PUM1: variants seen among roughly 807,000 people sequenced by gnomAD.
The protein encoded by PUM1 is pumilio homolog 1.
Under a neutral mutation model 131.8 loss-of-function variants are expected in PUM1, and 13 were observed. The ratio of observed to expected loss-of-function variants is 0.10; its 90% CI spans 0.06 to 0.16. The LOEUF is 0.16. Ranked by LOEUF, PUM1 falls within the 10% of genes least tolerant of loss-of-function variation. The probability of loss-of-function intolerance (pLI) is 1.00; values close to 1 mark genes in which losing one functional copy is unlikely to be tolerated. For synonymous variants in PUM1, 509 were observed against 556.5 expected, an observed-to-expected ratio of 0.91 and a Z score of 1.20; for missense variants, 961 against 1,512.4, an observed-to-expected ratio of 0.64 and a Z score of 6.05.
In PUM1 at chr1:30,945,471, G is replaced by A. The variant is rs773184181; in HGVS notation, c.2869C>T (p.Arg957Trp). Residue 957 changes from arginine (R) to tryptophan (W), a missense_variant, in exon 18 of 22, where the codon CGG becomes TGG. Arg to Trp is a moderately radical substitution (Grantham distance 101). This residue lies in a region of PUM1 where 178 missense variants were observed against 327.5 expected (regional missense o/e 0.54). Transcript: ENST00000426105. ...SDQQVINEMV[R>W]ELDGHVLKCV... ...TTCAAGACATGGCCATCTAGTTCCC[G>A]AACCATCTCATTCTAATGGAGACAA... is the stretch of plus-strand genomic sequence containing the variant. 1.9e-6 allele frequency: 3 copies of A among 1,614,006 alleles called. No individual in the cohort carries two copies. The highest frequency in any genetic ancestry group is 2.5e-6 in the Non-Finnish European group (3 of 1,180,008).
At chr1:30,956,413 A>C (rs6657262) in intron 14 of PUM1, among the ~76,000 whole-genome samples, 43,233 of 151,886 alleles carry the variant, frequency 0.28, 6,631 homozygotes, top group Non-Finnish European at 0.34. Flanking sequence ...ACAGGTGTGC[A>C]CCACCACGCC....
rs551715498 is a variant in PUM1, at chr1:30,961,264, C to T, written c.2323+3410G>A. On this transcript the variant is annotated intron_variant, in intron 14 of 21. Coordinates refer to ENST00000426105, the MANE Select transcript of PUM1 (RefSeq NM_001020658.2). ...GTAGCTCACATCTGTAATCCTAGTG[C>T]TTTGAGAGGCCAAGGCAAGAGGATC... is the stretch of plus-strand genomic sequence containing the variant. 5.6e-4 allele frequency among the ~76,000 whole-genome samples: 85 copies of T among 150,450 alleles called. 1 individual carries two copies. Among genetic ancestry groups the T allele is most frequent in the African/African-American group, 2.0e-3 (82 of 40,932 alleles).
At position 30,942,028 on chromosome 1, in the gene PUM1, C is replaced by A. The variant is rs774301910; in HGVS notation, c.3090G>T (p.Glu1030Asp). 2 of 1,590,836 alleles carry A rather than the reference C, an allele frequency of 1.3e-6. No homozygotes were observed. Among genetic ancestry groups the A allele is most frequent in the Non-Finnish European group, 1.7e-6 (2 of 1,165,716 alleles). Residue 1030 changes from glutamate to aspartate, a missense_variant, in exon 19 of 22, where the codon GAG (glutamate) becomes GAT (aspartate). Glu to Asp is a conservative substitution (Grantham distance 45, BLOSUM62 2). Coordinates refer to ENST00000426105, the MANE Select transcript of PUM1 (RefSeq NM_001020658.2). ...LPDQTLPILE[E>D]LHQHTEQLVQ... is the part of the protein sequence containing the mutation. ...CAAGCTGCTCTGTGTGCTGGTGAAG[C>A]TCCTCTAAAATAGGGAGTGTCTGGT...
rs977778279 is a variant in PUM1 at position 30,979,954 on chromosome 1, T to A, written c.1354+108A>T. ...AGGTAGATGGCATTGAAAATCTGGATAATCTCCACTGGAGACATGGATTTG... is the reference window on the plus strand; with the variant it reads ...AGGTAGATGGCATTGAAAATCTGGAAAATCTCCACTGGAGACATGGATTTG... On this transcript the variant is annotated intron_variant, in intron 9 of 21. Coordinates refer to ENST00000426105, the MANE Select transcript of PUM1 (RefSeq NM_001020658.2). 3 of 732,080 alleles carry A rather than the reference T, an allele frequency of 4.1e-6. No individual in the cohort carries two copies. The African/African-American group carries it at 5.4e-5, about 13-fold the overall frequency. The allele number at this position is 732,080 out of a possible 1,614,324, so 45.3% of individuals were successfully genotyped here.
chr1:31,008,788 A>C (rs1317295923), intron 3 of PUM1, among the ~76,000 whole-genome samples: 1 of 152,178 alleles, frequency 6.6e-6, no homozygotes, highest in Non-Finnish European at 1.5e-5. Flanking sequence ...CAGGTCACAG[A>C]GGGGATACTG....
chr1:30,941,243 A>C lies in PUM1; in HGVS notation c.3150T>G (p.His1050Gln), dbSNP rs767562793. 6.2e-7 allele frequency: 1 copy of C among 1,611,998 alleles called. No individual in the cohort carries two copies. Among genetic ancestry groups the C allele is most frequent in the Admixed American group, 1.7e-5 (1 of 59,918 alleles). The change falls in exon 20 of 22, where the codon CAT (histidine) becomes CAG (glutamine). Residue 1050 changes from histidine (H) to glutamine (Q), a missense_variant. Transcript: ENST00000426105. Reference sequence around the variant, plus strand: ...CCTCAGGACGACCGTGCTCCAGTACATGTTGGATTACATAATTTCCATATT... The same window carrying C: ...CCTCAGGACGACCGTGCTCCAGTACCTGTTGGATTACATAATTTCCATATT... ...QDQYGNYVIQ[H>Q]VLEHGRPEDK...
At chr1:31,065,486 C>T (rs1210023154) in intron 1 of PUM1, 130 bp downstream of exon 1, 1 of 1,137,196 alleles carries the variant, frequency 8.8e-7, no homozygotes, top group Non-Finnish European at 1.2e-6. Flanking sequence ...GAAGCCTCAG[C>T]CAGGGCCCCG....
At chr1:30,941,780 T>C in intron 19 of PUM1, 1 of 448,278 alleles carries the variant, frequency 2.2e-6, no homozygotes, top group Admixed American at 2.7e-5. Context: ...GACAGAGTTC[T>C]GGAAGTCAGA....
At chr1:30,991,332 T>C (rs1641782572) in intron 7 of PUM1, among the ~76,000 whole-genome samples, 1 of 152,200 alleles carries the variant, frequency 6.6e-6, no homozygotes, top group Admixed American at 6.5e-5. Flanking sequence ...TATATGAATA[T>C]GCACATTCAC....
intron 13 of PUM1, 38 bp from the exon 14 acceptor site, chr1:30,964,948 C>A: frequency 6.4e-7 from 1 of 1,554,658 alleles, no homozygotes. Context: ...AAGAACAGGC[C>A]TGTTCTTCGA....
At chr1:31,021,257 T>C (rs1377245428) in intron 3 of PUM1, among the ~76,000 whole-genome samples, 2 of 152,218 alleles carry the variant, frequency 1.3e-5, no homozygotes, top group African/African-American at 4.8e-5. Context: ...AGCCTGAATA[T>C]ATGCTTTCAG....
intron 2 of PUM1, among the ~76,000 whole-genome samples, chr1:31,047,468 A>G (rs1428048667): frequency 6.6e-6 from 1 of 152,260 alleles, no homozygotes; most frequent in East Asian, 1.9e-4. Context: ...ACAAGAGTGA[A>G]TAACTAGATA....
intron 3 of PUM1, among the ~76,000 whole-genome samples, chr1:31,015,596 C>T (rs1457592523): frequency 1.3e-5 from 2 of 152,116 alleles, no homozygotes; most frequent in East Asian, 1.9e-4. Context: ...CCACCTCGGC[C>T]TCCCAAAGTG....
At chr1:30,961,801 TATTA>T (rs1640419342) in intron 14 of PUM1, among the ~76,000 whole-genome samples, 1 of 152,072 alleles carries the variant, frequency 6.6e-6, no homozygotes, top group Admixed American at 6.6e-5. Context: ...TCATTAGCAA[TATTA>T]ATTAAGCCAC....
chr1:30,969,080 G>T (rs530811035), intron 10 of PUM1, among the ~76,000 whole-genome samples: 2 of 152,148 alleles, frequency 1.3e-5, no homozygotes, highest in East Asian at 3.9e-4. Context: ...GAGGCAGGTG[G>T]ATTATCAGAG....
intron 21 of PUM1, chr1:30,935,677 T>C (rs1005767226): frequency 2.6e-6 from 1 of 384,600 alleles, no homozygotes; most frequent in African/African-American, 2.1e-5. Flanking sequence ...TCAGGGGTGG[T>C]GGGTGTCTTG....
intron 15 of PUM1, among the ~76,000 whole-genome samples, chr1:30,953,167 AAGG>A (rs1217889436): frequency 2.6e-5 from 4 of 152,218 alleles, no homozygotes; most frequent in Non-Finnish European, 4.4e-5. Flanking sequence ...GGCAGAACTT[AAGG>A]AGGAGGTAGC....
chr1:31,005,977 T>C lies in PUM1; in HGVS notation c.596A>G (p.His199Arg). 1 of 1,613,176 alleles carries C rather than the reference T, an allele frequency of 6.2e-7. No individual in the cohort carries two copies. Residue 199 changes from histidine (H) to arginine (R), a missense_variant, in exon 5 of 22, where the codon CAT becomes CGT. Physicochemically the swap from His to Arg is conservative, Grantham distance 29. This residue lies in a region of PUM1 where 654 missense variants were observed against 923.9 expected (regional missense o/e 0.71). Coordinates refer to ENST00000426105, the MANE Select transcript of PUM1 (RefSeq NM_001020658.2). ...MVQRRPGQSF[H>R]VNSEVNSVLS... Reference sequence around the variant, plus strand: ...TACAGAATTGACCTCACTGTTCACATGGAAACTCTGACCAGGTCTTCTCTG... The same window carrying C: ...TACAGAATTGACCTCACTGTTCACACGGAAACTCTGACCAGGTCTTCTCTG...
intron 2 of PUM1, among the ~76,000 whole-genome samples, chr1:31,046,930 G>A (rs899878054): frequency 2.0e-5 from 3 of 152,226 alleles, no homozygotes; most frequent in Admixed American, 6.5e-5. Flanking sequence ...AGTGGCTCAC[G>A]CCTGTAATCT....
Sources: allele counts gnomAD v4.1 joint callset (sites outside exome capture counted in the v4.1 genomes callset), GRCh38; gene constraint gnomAD v4.1.1; regional missense constraint gnomAD v4.1.1; transcripts MANE v1.5; gene names NCBI Gene and HGNC (gene_info 2026-07-23, HGNC 2026-07-21).